MRNIP: variants seen among roughly 807,000 people sequenced by gnomAD.
MRNIP encodes MRN complex interacting protein.
Under a neutral mutation model 29.8 loss-of-function variants are expected in MRNIP, and 30 were observed. The ratio of observed to expected loss-of-function variants is 1.01; its 90% CI spans 0.75 to 1.36. The LOEUF (loss-of-function observed/expected upper bound fraction) is 1.36. Among genes scored for constraint, MRNIP ranks in the 40% most tolerant of loss-of-function variants. The pLI is 0.00. For missense variants in MRNIP, 459 were observed against 423.5 expected (o/e 1.08, Z -0.74); for synonymous variants, 201 against 164.1 (o/e 1.23, Z -1.72).
chr5:179,840,201 A>C (rs543578997), intron 6 of MRNIP: 2 of 152,336 alleles, frequency 1.3e-5, no homozygotes, highest in African/African-American at 4.8e-5. Flanking sequence ...CGGCCTCCCA[A>C]AGTGCTGAGA....
At chr5:179,842,805 G>A (rs902498818) in intron 4 of MRNIP, among the ~76,000 whole-genome samples, 1 of 151,390 alleles carries the variant, frequency 6.6e-6, no homozygotes. Context: ...GGCTGAGGCG[G>A]GCGGGTCACC....
intron 4 of MRNIP, among the ~76,000 whole-genome samples, chr5:179,842,729 A>C (rs1758944125): frequency 8.2e-6 from 1 of 121,252 alleles, no homozygotes; most frequent in Non-Finnish European, 1.7e-5. Context: ...AAAAAAAAAA[A>C]AGAACAGAGG....
At chr5:179,839,857 GGC>G (rs1276661626) in intron 6 of MRNIP, 1 of 152,416 alleles carries the variant, frequency 6.6e-6, no homozygotes, top group African/African-American at 2.4e-5. Flanking sequence ...AAATGGGCCA[GGC>G]GCAGTGGCCC....
chr5:179,856,503 G>A (rs1036594125), intron 1 of MRNIP, among the ~76,000 whole-genome samples: 4 of 151,328 alleles, frequency 2.6e-5, no homozygotes, highest in Non-Finnish European at 4.4e-5. Context: ...ACAGGGTCTG[G>A]CTGTCGCCCA....
chr5:179,853,015 G>A (rs899340647), intron 2 of MRNIP, among the ~76,000 whole-genome samples: 37 of 152,118 alleles, frequency 2.4e-4, no homozygotes, highest in African/African-American at 7.5e-4. Flanking sequence ...TCCTTTCCTT[G>A]TGCTCAGCCG....
intron 2 of MRNIP, among the ~76,000 whole-genome samples, chr5:179,852,597 T>C (rs966601040): frequency 6.6e-6 from 1 of 152,094 alleles, no homozygotes; most frequent in African/African-American, 2.4e-5. Context: ...GTAACTTCCA[T>C]AGGATACTGA....
At chr5:179,841,666 G>A in intron 5 of MRNIP, 1 of 557,862 alleles carries the variant, frequency 1.8e-6, no homozygotes, top group South Asian at 2.2e-5. Context: ...GAATTAAGTG[G>A]GCATCATAAA....
Position 179,837,332 on chromosome 5 carries a change from TA to T in MRNIP, c.*58del, listed in dbSNP as rs1435912036. ...TTACAGAGTATCTTTAAAAGTGCCTTAGGGGAACCCTGTCCCTCCTAACAAG... is the reference window on the plus strand; with the variant it reads ...TTACAGAGTATCTTTAAAAGTGCCTTGGGGAACCCTGTCCCTCCTAACAAG... On this transcript the variant is annotated 3_prime_UTR_variant, in exon 7 of 7. Coordinates refer to ENST00000292586, the MANE Select transcript of MRNIP (RefSeq NM_016175.4). The T allele has an allele frequency of 1.1e-5, 17 of 1,588,578 alleles. No individual in the cohort carries two copies. The African/African-American group carries it at 2.3e-4, about 21-fold the overall frequency.
At chr5:179,858,342 G>T (rs11951388) in intron 1 of MRNIP, among the ~76,000 whole-genome samples, 2,786 of 152,280 alleles carry the variant, frequency 0.018, 98 homozygotes, top group African/African-American at 0.064. Flanking sequence ...GCGACGGAGA[G>T]GGCGCCCAGG....
chr5:179,858,473 C>G (rs1759697576), intron 1 of MRNIP, among the ~76,000 whole-genome samples: 2 of 152,234 alleles, frequency 1.3e-5, no homozygotes, highest in Admixed American at 1.3e-4. Context: ...CTATACTCAA[C>G]CGGATTCTCC....
intron 6 of MRNIP, 172 bp from the exon 7 acceptor site, chr5:179,838,057 A>C: frequency 1.6e-6 from 1 of 629,230 alleles, no homozygotes; most frequent in Non-Finnish European, 2.7e-6. Flanking sequence ...AAGCAAATAA[A>C]TGCCTTCCAC....
intron 3 of MRNIP, chr5:179,846,924 G>C (rs897873571): frequency 2.0e-5 from 3 of 152,040 alleles, no homozygotes; most frequent in Non-Finnish European, 4.4e-5. Flanking sequence ...TGTCTTCTGA[G>C]GGCCTCCTGC....
rs200300835 is a variant in MRNIP, at chr5:179,837,682, T to C, written c.741A>G (p.Pro247=). ...GCCTGGGGTCCCTCTGAAGAGACCT[T>C]GGCTGCTCACTGTCCACATGTGAAC... ...RKSSHVDSEQ[P]RSLQRDPRPA... Residue 247 remains proline (P), a synonymous_variant, in exon 7 of 7, where the codon CCA becomes CCG. Coordinates refer to ENST00000292586, the MANE Select transcript of MRNIP (RefSeq NM_016175.4). 1 of 1,614,232 alleles carries C rather than the reference T, an allele frequency of 6.2e-7. No homozygotes were observed.
chr5:179,843,365 A>G (rs536749655), intron 4 of MRNIP, among the ~76,000 whole-genome samples: 10 of 152,260 alleles, frequency 6.6e-5, no homozygotes, highest in Admixed American at 2.6e-4. Flanking sequence ...GATGAGAATG[A>G]TATAAAATTA....
Position 179,858,782 on chromosome 5 carries a change from C to G in MRNIP, c.15G>C (p.Gln5His). 3.2e-6 allele frequency: 5 copies of G among 1,541,368 alleles called. No homozygotes were observed. The highest frequency in any genetic ancestry group is 3.5e-6 in the Non-Finnish European group (4 of 1,144,112). The change falls in exon 1 of 7, where the codon CAG becomes CAC. Residue 5 changes from glutamine (Q) to histidine (H), a missense_variant. Physicochemically the swap from Gln to His is conservative, Grantham distance 24 (BLOSUM62 0). Transcript: ENST00000292586. The part of the protein sequence containing the change: MASL[Q>H]RSRVLRCCSC... ...TGCAGCAGCGTAGCACCCGAGAACG[C>G]TGAAGCGACGCCATCCCTGCTTGTG...
intron 6 of MRNIP, chr5:179,839,816 C>CTATGA (rs1758798246): frequency 6.6e-6 from 1 of 152,354 alleles, no homozygotes; most frequent in African/African-American, 2.4e-5. Context: ...TGCGGTGGGG[C>CTATGA]CTGCTGGACT....
At chr5:179,856,833 T>G (rs546104048) in intron 1 of MRNIP, among the ~76,000 whole-genome samples, 12 of 152,108 alleles carry the variant, frequency 7.9e-5, no homozygotes, top group Non-Finnish European at 1.6e-4. Flanking sequence ...CTCACACCCG[T>G]AGTCCCGGCA....
intron 1 of MRNIP, 146 bp downstream of exon 1, chr5:179,858,585 C>A (rs772027167): frequency 1.7e-5 from 10 of 574,258 alleles, no homozygotes; most frequent in Non-Finnish European, 2.7e-5. Context: ...CGGGGGCGAC[C>A]CCAATGAGAC....
intron 4 of MRNIP, among the ~76,000 whole-genome samples, chr5:179,843,235 G>A (rs140065930): frequency 1.6e-3 from 250 of 152,230 alleles, no homozygotes; most frequent in African/African-American, 5.7e-3. Context: ...ACTCCAGCCT[G>A]GGTGACAGAG....
Sources: allele counts gnomAD v4.1 joint callset (sites outside exome capture counted in the v4.1 genomes callset), GRCh38; gene constraint gnomAD v4.1.1; transcripts MANE v1.5; gene names NCBI Gene and HGNC (gene_info 2026-07-23, HGNC 2026-07-21).